RNF217: variants seen among roughly 807,000 people sequenced by gnomAD.
The protein encoded by RNF217 is E3 ubiquitin-protein ligase RNF217.
In RNF217, 31 loss-of-function variants were observed where a neutral mutation model predicts 57.8. The observed-to-expected ratio is 0.54, with a 90% confidence interval of 0.40 to 0.72. The LOEUF (loss-of-function observed/expected upper bound fraction) is 0.72. Among genes scored for constraint, RNF217 ranks in the 30% least tolerant of loss-of-function variants. The pLI is 0.00. For synonymous variants in RNF217, 313 were observed against 294.0 expected, an observed-to-expected ratio of 1.06 and a Z score of -0.66; for missense variants, 696 against 708.3, an observed-to-expected ratio of 0.98 and a Z score of 0.20.
intron 1 of RNF217, among the ~76,000 whole-genome samples, chr6:124,987,667 A>T (rs1784409415): frequency 6.6e-6 from 1 of 152,088 alleles, no homozygotes; most frequent in Non-Finnish European, 1.5e-5. Context: ...TTAGAGACAG[A>T]GTCTGGCTAT....
At chr6:125,073,194 T>C (rs1365420296) in intron 3 of RNF217, among the ~76,000 whole-genome samples, 1 of 152,180 alleles carries the variant, frequency 6.6e-6, no homozygotes. Context: ...AGTGCTCATG[T>C]GGTTTAAATA....
At chr6:125,043,240 T>C (rs1424061258) in intron 1 of RNF217, among the ~76,000 whole-genome samples, 2 of 152,024 alleles carry the variant, frequency 1.3e-5, no homozygotes, top group African/African-American at 4.8e-5. Context: ...CCAATTGGGG[T>C]ATGCTAGTGC....
chr6:125,036,119 C>T (rs566642731), intron 1 of RNF217, among the ~76,000 whole-genome samples: 1 of 152,028 alleles, frequency 6.6e-6, no homozygotes, highest in African/African-American at 2.4e-5. Flanking sequence ...ATGTTCCCCT[C>T]CCTGTGTCCG....
intron 4 of RNF217, 104 bp downstream of exon 4, chr6:125,076,962 C>A: frequency 1.0e-6 from 1 of 989,828 alleles, no homozygotes; most frequent in Non-Finnish European, 1.6e-6. Flanking sequence ...TGCCATGTGC[C>A]CAGTGTTCAG....
chr6:125,022,106 C>A (rs921867181), intron 1 of RNF217, among the ~76,000 whole-genome samples: 12 of 152,046 alleles, frequency 7.9e-5, no homozygotes, highest in Admixed American at 5.9e-4. Flanking sequence ...TGCTCTCGAA[C>A]TCCTTACCTT....
Position 124,995,792 on chromosome 6 carries a change from G to A in RNF217, c.882+32366G>A, listed in dbSNP as rs1323369910. 2.6e-5 allele frequency among the ~76,000 whole-genome samples: 4 copies of A among 152,126 alleles called. No homozygotes were observed. In the South Asian group the frequency reaches 6.2e-4, roughly 24 times the overall value. ...CAAAAATTAGCTGGGCGTGGTGATG[G>A]ACTTCTGTAATCCCAGCTACTCGGG... On this transcript the variant is annotated intron_variant, in intron 1 of 5. Transcript: ENST00000521654.
At position 125,006,968 on chromosome 6, in the gene RNF217, G is replaced by T. The variant is rs1049385137; in HGVS notation, c.883-38243G>T. On this transcript the variant is annotated intron_variant, in intron 1 of 5. Transcript: ENST00000521654. ...CCATCTCAAAAAAGAAAAAAAGAAT[G>T]CATGATAGACATCTTTGTGTATATA... 1.3e-5 allele frequency among the ~76,000 whole-genome samples: 2 copies of T among 152,114 alleles called. 1 individual carries two copies. The highest frequency in any genetic ancestry group is 2.9e-5 in the Non-Finnish European group (2 of 68,006).
At chr6:125,076,015 TG>T (rs1393631149) in intron 3 of RNF217, among the ~76,000 whole-genome samples, 2 of 152,122 alleles carry the variant, frequency 1.3e-5, no homozygotes, top group South Asian at 4.1e-4. Flanking sequence ...TGTTACATGA[TG>T]GGTGAAGCTG....
At chr6:125,015,277 G>C (rs1931658) in intron 1 of RNF217, among the ~76,000 whole-genome samples, 8,821 of 152,104 alleles carry the variant, frequency 0.058, 880 homozygotes, top group African/African-American at 0.2. Context: ...ATCTTCATTA[G>C]ATGTATTGAT....
chr6:125,051,297 T>C (rs1042506462), intron 2 of RNF217, among the ~76,000 whole-genome samples: 3 of 151,942 alleles, frequency 2.0e-5, no homozygotes, highest in African/African-American at 7.2e-5. Flanking sequence ...ATTGGGTCTT[T>C]AGCACAATGA....
At chr6:125,011,795 T>G (rs1397424171) in intron 1 of RNF217, among the ~76,000 whole-genome samples, 1 of 152,156 alleles carries the variant, frequency 6.6e-6, no homozygotes. Context: ...ACTTTTCTTT[T>G]CTTTGCTCAT....
chr6:125,045,155 T>C, intron 1 of RNF217, 56 bp from the exon 2 acceptor site: 1 of 1,127,120 alleles, frequency 8.9e-7, no homozygotes, highest in Non-Finnish European at 1.3e-6. Context: ...AAAAAAAAAA[T>C]GAAAGAAAAT....
At chr6:124,998,766 C>G (rs1321087629) in intron 1 of RNF217, among the ~76,000 whole-genome samples, 2 of 152,156 alleles carry the variant, frequency 1.3e-5, no homozygotes, top group African/African-American at 2.4e-5. Flanking sequence ...CCACTGCACT[C>G]CAACCTGGGC....
At chr6:125,022,139 C>T (rs57155603) in intron 1 of RNF217, among the ~76,000 whole-genome samples, 3,391 of 152,282 alleles carry the variant, frequency 0.022, 116 homozygotes, top group African/African-American at 0.076. Context: ...ACCTTGGCCT[C>T]CCAAAGTGCT....
chr6:125,005,755 T>C (rs565410202), intron 1 of RNF217, among the ~76,000 whole-genome samples: 40 of 152,338 alleles, frequency 2.6e-4, no homozygotes, highest in African/African-American at 9.4e-4. Flanking sequence ...GATAAAACTG[T>C]ATGCAATAGA....
chr6:125,035,396 T>A (rs1166344111), intron 1 of RNF217, among the ~76,000 whole-genome samples: 3 of 152,150 alleles, frequency 2.0e-5, no homozygotes, highest in African/African-American at 2.4e-5. Context: ...GGGGCCAATA[T>A]TCAACATTCT....
At position 125,086,944 on chromosome 6, in the gene RNF217, C is replaced by T. The variant is rs370571032; in HGVS notation, c.*4007C>T. ...ACCCAAGTATATGACCAACTGTTCT[C>T]CTAAAATACCTATGAACCACTGTAA... On this transcript the variant is annotated 3_prime_UTR_variant, in exon 6 of 6. Coordinates refer to ENST00000521654, the MANE Select transcript of RNF217 (RefSeq NM_001286398.3). The T allele has an allele frequency of 6.6e-6, 1 of 152,064 alleles. No individual in the cohort carries two copies. The highest frequency in any genetic ancestry group is 2.4e-5 in the African/African-American group (1 of 41,428). The allele number at this position is 152,064 out of a possible 1,614,324, so 9.4% of individuals were successfully genotyped here.
intron 1 of RNF217, among the ~76,000 whole-genome samples, chr6:124,985,376 A>T (rs1784334150): frequency 6.6e-6 from 1 of 152,210 alleles, no homozygotes; most frequent in African/African-American, 2.4e-5. Flanking sequence ...CAGGCATGTA[A>T]TACTTAATAA....
chr6:125,056,169 A>C (rs1410209127), intron 2 of RNF217, among the ~76,000 whole-genome samples: 2 of 152,172 alleles, frequency 1.3e-5, no homozygotes, highest in Non-Finnish European at 2.9e-5. Flanking sequence ...AATGCCGTTT[A>C]GTATAAGACT....
Sources: gnomAD v4.1 joint callset for allele counts (sites outside exome capture counted in the v4.1 genomes callset) on GRCh38, gnomAD v4.1.1 for gene constraint, MANE v1.5 for transcripts, NCBI Gene and HGNC (gene_info 2026-07-23, HGNC 2026-07-21) for gene names.